The following PCDH9 variants were observed in gnomAD, a reference collection of about 807,000 sequenced individuals.
PCDH9 encodes protocadherin-9.
Under a neutral mutation model 70.6 loss-of-function variants are expected in PCDH9, and 24 were observed. The observed-to-expected ratio is 0.34, with a 90% CI of 0.25 to 0.48. PCDH9 has a LOEUF of 0.48. Ranked by LOEUF, PCDH9 falls within the 20% of genes least tolerant of loss-of-function variation. The probability of loss-of-function intolerance (pLI) is 0.99; values close to 1 mark genes in which losing one functional copy is unlikely to be tolerated. For missense variants in PCDH9, 1,281 were observed against 1,503.6 expected (o/e 0.85, Z 2.45); for synonymous variants, 562 against 558.5 (o/e 1.01, Z -0.09).
At chr13:66,314,214 T>C (rs1955611657) in intron 4 of PCDH9, among the ~76,000 whole-genome samples, 1 of 152,250 alleles carries the variant, frequency 6.6e-6, no homozygotes, top group East Asian at 1.9e-4. Flanking sequence ...ATTTAGAACT[T>C]ACCTGTCTGC....
chr13:66,707,963 C>G (rs2078734212), intron 3 of PCDH9, among the ~76,000 whole-genome samples: 1 of 152,200 alleles, frequency 6.6e-6, no homozygotes, highest in South Asian at 2.1e-4. Context: ...CAGTAGATTT[C>G]TCTTTACCTT....
At chr13:66,462,604 T>C (rs1262367776) in intron 4 of PCDH9, among the ~76,000 whole-genome samples, 3 of 151,904 alleles carry the variant, frequency 2.0e-5, no homozygotes, top group African/African-American at 7.2e-5. Context: ...GTGACTTACT[T>C]GGTCTGAAAT....
chr13:66,829,917 C>T (rs2080896428), intron 3 of PCDH9, among the ~76,000 whole-genome samples: 1 of 149,392 alleles, frequency 6.7e-6, no homozygotes, highest in Non-Finnish European at 1.5e-5. Context: ...AAGGCTAACA[C>T]ATGTAAAAAT....
At chr13:67,014,088 G>A (rs745395610) in intron 2 of PCDH9, among the ~76,000 whole-genome samples, 4 of 152,002 alleles carry the variant, frequency 2.6e-5, no homozygotes, top group Non-Finnish European at 5.9e-5. Context: ...AAACTAGTCA[G>A]AACTCTTTTG....
chr13:66,584,677 A>G (rs992610126), intron 4 of PCDH9, among the ~76,000 whole-genome samples: 2 of 152,210 alleles, frequency 1.3e-5, no homozygotes, highest in Non-Finnish European at 1.5e-5. Context: ...ATCATATTAA[A>G]GCCTGTCAAA....
chr13:66,682,852 G>A (rs961630072), intron 3 of PCDH9, among the ~76,000 whole-genome samples: 12 of 152,158 alleles, frequency 7.9e-5, no homozygotes, highest in Admixed American at 2.6e-4. Context: ...TTCAGTTTCC[G>A]CAGGCAGCTT....
At chr13:66,855,997 T>C (rs550313836) in intron 3 of PCDH9, among the ~76,000 whole-genome samples, 1 of 152,102 alleles carries the variant, frequency 6.6e-6, no homozygotes, top group East Asian at 1.9e-4. Flanking sequence ...ACTAAGTTTT[T>C]TTATAGAGAG....
chr13:67,197,181 T>C (rs992354135), intron 2 of PCDH9, among the ~76,000 whole-genome samples: 4 of 152,056 alleles, frequency 2.6e-5, no homozygotes, highest in South Asian at 2.1e-4. Context: ...GCTAGCTCTA[T>C]CTGGCTGCAT....
At chr13:66,934,021 T>A (rs1279711254) in intron 2 of PCDH9, among the ~76,000 whole-genome samples, 2 of 152,084 alleles carry the variant, frequency 1.3e-5, no homozygotes, top group Non-Finnish European at 2.9e-5. Flanking sequence ...TCGGCATTTA[T>A]ATAAATACAA....
chr13:66,981,604 T>C (rs1594345781), intron 2 of PCDH9, among the ~76,000 whole-genome samples: 1 of 152,124 alleles, frequency 6.6e-6, no homozygotes, highest in East Asian at 1.9e-4. Flanking sequence ...CTATTAATTA[T>C]ACAATTTCCA....
intron 3 of PCDH9, among the ~76,000 whole-genome samples, chr13:66,772,243 C>A (rs1157876644): frequency 6.6e-6 from 1 of 152,152 alleles, no homozygotes; most frequent in East Asian, 1.9e-4. Flanking sequence ...TCCTGTGTGC[C>A]TCAAGACACC....
At chr13:67,086,074 A>G (rs2086102006) in intron 2 of PCDH9, among the ~76,000 whole-genome samples, 1 of 152,172 alleles carries the variant, frequency 6.6e-6, no homozygotes, top group Admixed American at 6.6e-5. Context: ...AAGCATAACT[A>G]TGGGTGAAAA....
At chr13:67,141,321 C>T (rs1258590462) in intron 2 of PCDH9, among the ~76,000 whole-genome samples, 1 of 152,118 alleles carries the variant, frequency 6.6e-6, no homozygotes, top group Non-Finnish European at 1.5e-5. Context: ...AGTGTGGTGG[C>T]TCATGCCTAT....
At chr13:67,021,856 G>A (rs1280248092) in intron 2 of PCDH9, among the ~76,000 whole-genome samples, 1 of 151,880 alleles carries the variant, frequency 6.6e-6, no homozygotes, top group Non-Finnish European at 1.5e-5. Context: ...CACCATGCCT[G>A]GCGATAGTGT....
At chr13:66,731,222 G>A (rs1446081015) in intron 3 of PCDH9, among the ~76,000 whole-genome samples, 1 of 152,002 alleles carries the variant, frequency 6.6e-6, no homozygotes, top group Non-Finnish European at 1.5e-5. Flanking sequence ...TATTTCCAAT[G>A]AGAAGGTTTA....
At chr13:66,516,336 C>T (rs1000184471) in intron 4 of PCDH9, among the ~76,000 whole-genome samples, 1 of 151,934 alleles carries the variant, frequency 6.6e-6, no homozygotes, top group African/African-American at 2.4e-5. Context: ...ATTTCTAATA[C>T]TATCAATAAT....
intron 2 of PCDH9, among the ~76,000 whole-genome samples, chr13:67,185,307 A>C (rs1260870644): frequency 2.0e-5 from 3 of 152,184 alleles, no homozygotes; most frequent in Non-Finnish European, 4.4e-5. Flanking sequence ...AAAAATCATC[A>C]TCAACTGTGT....
intron 4 of PCDH9, among the ~76,000 whole-genome samples, chr13:66,444,106 T>C (rs758897776): frequency 2.0e-5 from 3 of 152,202 alleles, no homozygotes; most frequent in Non-Finnish European, 2.9e-5. Flanking sequence ...GAGCCAGTTG[T>C]GCCCCACGGA....
At chr13:67,035,694 T>G (rs988307826) in intron 2 of PCDH9, among the ~76,000 whole-genome samples, 1 of 151,782 alleles carries the variant, frequency 6.6e-6, no homozygotes, top group African/African-American at 2.4e-5. Context: ...GAACTTTTCT[T>G]GAGATCAAGG....
Sources: gnomAD v4.1 joint callset for allele counts (sites outside exome capture counted in the v4.1 genomes callset) on GRCh38, gnomAD v4.1.1 for gene constraint, MANE v1.5 for transcripts, NCBI Gene and HGNC (gene_info 2026-07-23, HGNC 2026-07-21) for gene names.